SORCS1: variants seen among roughly 807,000 people sequenced by gnomAD.
SORCS1 encodes sortilin related VPS10 domain containing receptor 1.
A neutral mutation model predicts 146.1 loss-of-function variants in SORCS1; 60 were observed. The ratio of observed to expected loss-of-function variants is 0.41; its 90% CI spans 0.33 to 0.51. SORCS1 has a LOEUF of 0.51. Among genes scored for constraint, SORCS1 ranks in the 20% least tolerant of loss-of-function variants. The pLI is 0.21. For synonymous variants in SORCS1, 637 were observed against 584.0 expected (o/e 1.09, Z -1.31); for missense variants, 1,352 against 1,487.6 (o/e 0.91, Z 1.50).
chr10:106,682,416 A>G lies in SORCS1; in HGVS notation c.1561-2682T>C, dbSNP rs1252259766. On this transcript the variant is annotated intron_variant, in intron 10 of 25. Transcript: ENST00000263054. Reference sequence around the variant, plus strand: ...AAATATTCTGTGGCTTTTTTCTTTCATTTTCTTCAAGGAAGTAACATAGTC... The same window carrying G: ...AAATATTCTGTGGCTTTTTTCTTTCGTTTTCTTCAAGGAAGTAACATAGTC... Among the ~76,000 whole-genome samples the G allele has an allele frequency of 3.3e-5, 5 of 152,128 alleles. No homozygotes were observed. In the East Asian group the frequency reaches 9.7e-4, roughly 29 times the overall value.
At chr10:106,781,873 G>C (rs993783688) in intron 3 of SORCS1, among the ~76,000 whole-genome samples, 1 of 152,102 alleles carries the variant, frequency 6.6e-6, no homozygotes, top group African/African-American at 2.4e-5. Flanking sequence ...AATACAAACA[G>C]TGAAGGAAGG....
intron 1 of SORCS1, among the ~76,000 whole-genome samples, chr10:106,979,367 G>C (rs1956160911): frequency 6.6e-6 from 1 of 152,040 alleles, no homozygotes; most frequent in Admixed American, 6.5e-5. Flanking sequence ...AGAGAATTCT[G>C]GTGCTACAGG....
intron 5 of SORCS1, among the ~76,000 whole-genome samples, chr10:106,748,233 C>T (rs1040051231): frequency 1.3e-5 from 2 of 152,002 alleles, no homozygotes; most frequent in Non-Finnish European, 2.9e-5. Context: ...TGCCATTTTT[C>T]CAAAAGCACG....
intron 1 of SORCS1, among the ~76,000 whole-genome samples, chr10:107,123,918 A>G (rs1180448991): frequency 7.0e-6 from 1 of 143,200 alleles, no homozygotes; most frequent in Non-Finnish European, 1.5e-5. Flanking sequence ...TCTACTAAAA[A>G]TACAAAAAAA....
At position 107,164,082 on chromosome 10, in the gene SORCS1, T is replaced by TGTCCGG; in HGVS notation, c.439_444dup (p.Pro147_Asp148dup). 1 of 1,613,938 alleles carries TGTCCGG rather than the reference T, an allele frequency of 6.2e-7. No individual in the cohort carries two copies. Among genetic ancestry groups the TGTCCGG allele is most frequent in the African/African-American group, 1.3e-5 (1 of 75,032 alleles). ...TCCTCCATCCGGAAGCGGGTGGCTT[T>TGTCCGG]GTCCGGGTCCCGCTCCCGAGTCCCA... is the stretch of plus-strand genomic sequence containing the variant. On this transcript the variant is annotated inframe_insertion, in exon 1 of 26. Transcript: ENST00000263054. This position sits in a 1 kb window ranked among gnomAD's most constrained non-coding sequence, Gnocchi z 6.8.
chr10:106,996,224 C>T (rs1589882277), intron 1 of SORCS1, among the ~76,000 whole-genome samples: 1 of 75,512 alleles, frequency 1.3e-5, no homozygotes, highest in African/African-American at 6.5e-5. Context: ...GAGACTCCAT[C>T]TAAAAAAAAA....
At position 106,944,122 on chromosome 10, in the gene SORCS1, G is replaced by T. The variant is rs867720392; in HGVS notation, c.626+12391C>A. Among the ~76,000 whole-genome samples the T allele has an allele frequency of 2.6e-5, 4 of 152,202 alleles. No homozygotes were observed. In the Middle Eastern group the frequency reaches 0.014, roughly 518 times the overall value. On this transcript the variant is annotated intron_variant, in intron 2 of 25. Coordinates refer to ENST00000263054, the MANE Select transcript of SORCS1 (RefSeq NM_052918.5). Reference sequence around the variant, plus strand: ...TACTTCTTGTTTCACTGACTACTTTGTTCATGGTCACCAGTTTTGTTCTTT... The same window carrying T: ...TACTTCTTGTTTCACTGACTACTTTTTTCATGGTCACCAGTTTTGTTCTTT...
At chr10:106,976,947 C>T (rs992660978) in intron 1 of SORCS1, among the ~76,000 whole-genome samples, 9 of 152,128 alleles carry the variant, frequency 5.9e-5, no homozygotes, top group Admixed American at 1.3e-4. Context: ...CATTGATGGG[C>T]ATTTGGGTTG....
At chr10:106,702,525 A>C (rs1283808094) in intron 8 of SORCS1, among the ~76,000 whole-genome samples, 1 of 152,224 alleles carries the variant, frequency 6.6e-6, no homozygotes, top group Admixed American at 6.5e-5. Context: ...AGGAAAACAC[A>C]GATGTATCAA....
intron 2 of SORCS1, among the ~76,000 whole-genome samples, chr10:106,916,304 T>C (rs1420014342): frequency 6.6e-6 from 1 of 152,102 alleles, no homozygotes; most frequent in East Asian, 1.9e-4. Context: ...CTCAAACTAT[T>C]TATTTAATGA....
Position 107,026,069 on chromosome 10 carries a change from C to A in SORCS1, c.559-69489G>T, listed in dbSNP as rs147575937. Among the ~76,000 whole-genome samples, 15 of 152,270 alleles carry A rather than the reference C, an allele frequency of 9.9e-5. No individual in the cohort carries two copies. In the East Asian group the frequency reaches 2.9e-3, roughly 29 times the overall value. Reference sequence around the variant, plus strand: ...ATAGGTTGCAGGATTGAGATCCCCCCACACACATCAAAAGGAAATCACAGG... The same window carrying A: ...ATAGGTTGCAGGATTGAGATCCCCCAACACACATCAAAAGGAAATCACAGG... On this transcript the variant is annotated intron_variant, in intron 1 of 25. Transcript: ENST00000263054.
At chr10:107,166,562 A>G (rs1565129652), upstream of SORCS1, among the ~76,000 whole-genome samples, 1 of 152,208 alleles carries the variant, frequency 6.6e-6, no homozygotes, top group Non-Finnish European at 1.5e-5. Context: ...CTGGCAGGCT[A>G]TGGCCTCTAG....
chr10:106,754,654 A>T (rs1175207370), intron 5 of SORCS1, among the ~76,000 whole-genome samples: 1 of 152,226 alleles, frequency 6.6e-6, no homozygotes, highest in Non-Finnish European at 1.5e-5. Flanking sequence ...ATTGACTGGC[A>T]TTGAACTGTG....
At chr10:106,998,041 C>G (rs75041803) in intron 1 of SORCS1, among the ~76,000 whole-genome samples, 2 of 152,328 alleles carry the variant, frequency 1.3e-5, no homozygotes, top group Admixed American at 6.5e-5. Context: ...ATGCAACAGA[C>G]GAGCAGCCTT....
intron 1 of SORCS1, among the ~76,000 whole-genome samples, chr10:107,096,973 C>T (rs1430918671): frequency 2.0e-5 from 3 of 152,176 alleles, no homozygotes; most frequent in Admixed American, 6.5e-5. Context: ...TAGTTTTCTC[C>T]AATCTTCAAT....
At chr10:106,812,940 AG>A (rs1373542442) in intron 3 of SORCS1, among the ~76,000 whole-genome samples, 4 of 151,834 alleles carry the variant, frequency 2.6e-5, no homozygotes, top group Non-Finnish European at 5.9e-5. Context: ...AGTTCTGCTC[AG>A]CACGCACATG....
In SORCS1 at chr10:106,671,312, C is replaced by A. The variant is rs767296473; in HGVS notation, c.2114G>T (p.Arg705Leu). The A allele has an allele frequency of 6.2e-7, 1 of 1,614,148 alleles. No homozygotes were observed. The highest frequency in any genetic ancestry group is 1.1e-5 in the South Asian group (1 of 91,076). ...KRIYKKRKSE[R>L]KCMQGKYAGA... is the part of the protein sequence containing the mutation. ...TGCATATTTTCCTTGCATACACTTC[C>A]GCTCTGATTTTCGCTTCTTATATAT... Residue 705 changes from arginine (R) to leucine (L), a missense_variant, in exon 16 of 26, where the codon CGG becomes CTG. Coordinates refer to ENST00000263054, the MANE Select transcript of SORCS1 (RefSeq NM_052918.5).
chr10:106,863,814 TAAA>T (rs1223246386), intron 2 of SORCS1, among the ~76,000 whole-genome samples: 1 of 136,080 alleles, frequency 7.3e-6, no homozygotes, highest in African/African-American at 2.7e-5. Context: ...AGATTTTCCT[TAAA>T]AAAAAAAAAA....
At chr10:106,743,469 G>C (rs149840425) in intron 5 of SORCS1, among the ~76,000 whole-genome samples, 1 of 152,294 alleles carries the variant, frequency 6.6e-6, no homozygotes, top group African/African-American at 2.4e-5. Flanking sequence ...ACCCAGGCTG[G>C]AGTGCAGAGC....
Sources: allele counts gnomAD v4.1 joint callset (sites outside exome capture counted in the v4.1 genomes callset), GRCh38; gene constraint gnomAD v4.1.1; non-coding constraint Gnocchi (gnomAD v3.1); transcripts MANE v1.5; gene names NCBI Gene and HGNC (gene_info 2026-07-23, HGNC 2026-07-21).